Variants in SLCO1B3 observed in about 807,000 individuals in gnomAD.
The protein encoded by SLCO1B3 is solute carrier organic anion transporter family member 1B3, also known as liver-specific organic anion transporter 2.
SLCO1B3 carries 72 observed loss-of-function variants against 71.8 expected under a neutral mutation model. The ratio of observed to expected loss-of-function variants is 1.00; its 90% CI spans 0.83 to 1.22. The LOEUF (loss-of-function observed/expected upper bound fraction) is 1.22. Ranked by LOEUF, SLCO1B3 falls within the 50% of genes most tolerant of loss-of-function variation. The probability of loss-of-function intolerance (pLI) is 0.00; values close to 1 mark genes in which losing one functional copy is unlikely to be tolerated. For missense variants in SLCO1B3, 911 were observed against 819.7 expected (o/e 1.11, Z -1.36); for synonymous variants, 298 against 278.4 (o/e 1.07, Z -0.70).
chr12:20,843,828 G>A (rs1016595583), intron 3 of SLCO1B3, among the ~76,000 whole-genome samples: 3 of 150,176 alleles, frequency 2.0e-5, no homozygotes, highest in African/African-American at 7.3e-5. Context: ...CACACTTACT[G>A]TTTAAAATTG....
In SLCO1B3 at chr12:20,841,953, C is replaced by T. The variant is rs568381205; in HGVS notation, c.85-13075C>T. On this transcript the variant is annotated intron_variant, in intron 3 of 15. Transcript: ENST00000381545. ...AGGCTAGAGTGCAGTGGAGCAATCT[C>T]GGCTCACTGCAGCCTCTGTCGCCCA... Among the ~76,000 whole-genome samples, 33 of 150,922 alleles carry T rather than the reference C, an allele frequency of 2.2e-4. No individual in the cohort carries two copies. In the East Asian group the frequency reaches 5.1e-3, roughly 23 times the overall value.
At chr12:20,856,600 C>T (rs566524787) in intron 4 of SLCO1B3, among the ~76,000 whole-genome samples, 9 of 152,260 alleles carry the variant, frequency 5.9e-5, no homozygotes, top group South Asian at 2.1e-4. Flanking sequence ...CTCCCTCTGT[C>T]GCCCATGCTC....
chr12:20,878,256 G>A (rs1865623415), intron 10 of SLCO1B3, among the ~76,000 whole-genome samples: 1 of 152,012 alleles, frequency 6.6e-6, no homozygotes, highest in Admixed American at 6.6e-5. Flanking sequence ...ATAGTACTGA[G>A]ATCCTGAGAC....
intron 8 of SLCO1B3, among the ~76,000 whole-genome samples, chr12:20,866,499 C>T (rs1865375924): frequency 6.6e-6 from 1 of 152,056 alleles, no homozygotes; most frequent in Non-Finnish European, 1.5e-5. Flanking sequence ...TATATGAAAA[C>T]TTAAAGCAAA....
chr12:20,890,627 C>T (rs995756688), intron 13 of SLCO1B3, among the ~76,000 whole-genome samples: 12 of 152,188 alleles, frequency 7.9e-5, no homozygotes, highest in African/African-American at 1.4e-4. Context: ...TGAAAGACCC[C>T]ACTACTGTTG....
At chr12:20,829,212 G>A (rs11045533) in intron 3 of SLCO1B3, among the ~76,000 whole-genome samples, 6,752 of 152,204 alleles carry the variant, frequency 0.044, 401 homozygotes, top group African/African-American at 0.13. Context: ...CTAATCGTAC[G>A]GAGAAATTAA....
intron 15 of SLCO1B3, among the ~76,000 whole-genome samples, chr12:20,911,099 T>C (rs1479425896): frequency 6.6e-6 from 1 of 152,144 alleles, no homozygotes; most frequent in Non-Finnish European, 1.5e-5. Context: ...TATATGTTTT[T>C]AATCAGGTTG....
At chr12:20,879,754 A>C in intron 11 of SLCO1B3, 123 bp downstream of exon 11, 1 of 705,558 alleles carries the variant, frequency 1.4e-6, no homozygotes, top group Non-Finnish European at 2.1e-6. Context: ...GAGAAATTTC[A>C]ATTTTCAAAT....
At chr12:20,834,992 A>C (rs985401636) in intron 3 of SLCO1B3, among the ~76,000 whole-genome samples, 2 of 152,228 alleles carry the variant, frequency 1.3e-5, no homozygotes, top group South Asian at 4.2e-4. Flanking sequence ...ATTTCTATAC[A>C]TCCTCTGAAA....
chr12:20,904,632 G>T (rs1245610356), intron 15 of SLCO1B3, among the ~76,000 whole-genome samples: 3 of 151,872 alleles, frequency 2.0e-5, no homozygotes, highest in African/African-American at 7.3e-5. Context: ...GCTCCACTAG[G>T]TAGTGCCTCA....
At chr12:20,911,822 T>C (rs935379396) in intron 15 of SLCO1B3, among the ~76,000 whole-genome samples, 3 of 152,192 alleles carry the variant, frequency 2.0e-5, no homozygotes, top group African/African-American at 7.2e-5. Context: ...GTGTCCTCCT[T>C]TTTATCTAAA....
At chr12:20,812,138 C>G (rs1210500737) in intron 1 of SLCO1B3, among the ~76,000 whole-genome samples, 1 of 152,052 alleles carries the variant, frequency 6.6e-6, no homozygotes, top group African/African-American at 2.4e-5. Context: ...AACTCCCAAC[C>G]TCAGGTGATC....
chr12:20,897,523 G>A (rs1256492272), intron 13 of SLCO1B3, among the ~76,000 whole-genome samples: 1 of 152,152 alleles, frequency 6.6e-6, no homozygotes, highest in African/African-American at 2.4e-5. Flanking sequence ...TCATTTGGAT[G>A]AGAGAAAGCA....
In SLCO1B3 at chr12:20,858,461, T is replaced by C; in HGVS notation, c.249T>C (p.Phe83=). The change falls in exon 5 of 16, where the codon TTT becomes TTC. Residue 83 remains phenylalanine (F), a synonymous_variant. Transcript: ENST00000381545. ...TAGGAAATTTGCTTGTGATTGTATTTGTAAGTTACTTTGGATCTAAACTAC... is the reference window on the plus strand; with the variant it reads ...TAGGAAATTTGCTTGTGATTGTATTCGTAAGTTACTTTGGATCTAAACTAC... ...FEIGNLLVIV[F]VSYFGSKLHR... is the part of the protein sequence containing the mutation. 6.3e-7 allele frequency: 1 copy of C among 1,591,610 alleles called. No homozygotes were observed. Among genetic ancestry groups the C allele is most frequent in the South Asian group, 1.1e-5 (1 of 90,482 alleles).
chr12:20,828,697 A>G (rs377227380), intron 3 of SLCO1B3, among the ~76,000 whole-genome samples: 128 of 152,206 alleles, frequency 8.4e-4, no homozygotes, highest in African/African-American at 3.0e-3. Context: ...TTAGCTTTTA[A>G]TTAAGCTGAT....
intron 13 of SLCO1B3, among the ~76,000 whole-genome samples, chr12:20,886,921 C>T (rs1865802032): frequency 6.6e-6 from 1 of 152,008 alleles, no homozygotes; most frequent in Admixed American, 6.6e-5. Context: ...CTCTGTAAGT[C>T]CTTGTGTGCC....
intron 9 of SLCO1B3, among the ~76,000 whole-genome samples, chr12:20,875,822 A>C (rs1865569364): frequency 6.6e-6 from 1 of 152,160 alleles, no homozygotes; most frequent in South Asian, 2.1e-4. Flanking sequence ...TATTTATTTA[A>C]CAAATGATAC....
chr12:20,871,754 A>C (rs1466055214), intron 8 of SLCO1B3, among the ~76,000 whole-genome samples: 1 of 152,110 alleles, frequency 6.6e-6, no homozygotes, highest in Non-Finnish European at 1.5e-5. Context: ...CTGAGCTGCC[A>C]GAAACTGGGG....
At chr12:20,905,214 C>G (rs1346185028) in intron 15 of SLCO1B3, among the ~76,000 whole-genome samples, 3 of 152,124 alleles carry the variant, frequency 2.0e-5, no homozygotes, top group African/African-American at 7.2e-5. Context: ...CAGCAGGGCC[C>G]TGGGCCTGAC....
Sources: gnomAD v4.1 joint callset for allele counts (sites outside exome capture counted in the v4.1 genomes callset) on GRCh38, gnomAD v4.1.1 for gene constraint, MANE v1.5 for transcripts, NCBI Gene and HGNC (gene_info 2026-07-23, HGNC 2026-07-21) for gene names.